The following HK1 variants were observed in gnomAD, a reference collection of about 807,000 sequenced individuals.
The protein encoded by HK1 is hexokinase-1.
HK1 carries 28 observed loss-of-function variants against 91.6 expected under a neutral mutation model. The observed-to-expected ratio is 0.31, with a 90% CI of 0.23 to 0.42. The LOEUF is 0.42. HK1 is among the 10% of genes least tolerant of loss of function. The pLI, the probability that HK1 is intolerant of heterozygous loss-of-function variation, is 1.00. For synonymous variants in HK1, 430 were observed against 468.1 expected, an observed-to-expected ratio of 0.92 and a Z score of 1.05; for missense variants, 770 against 1,219.8, an observed-to-expected ratio of 0.63 and a Z score of 5.49.
Position 69,395,121 on chromosome 10 carries a change from C to T in HK1, c.2375+16C>T. 6.2e-7 allele frequency: 1 copy of T among 1,612,628 alleles called. No homozygotes were observed. The highest frequency in any genetic ancestry group is 1.3e-5 in the African/African-American group (1 of 74,994). On this transcript the variant is annotated intron_variant, in intron 16 of 17. Transcript: ENST00000359426. Reference sequence around the variant, plus strand: ...AGATCGAGAGGTGAGTGGGCAGTGTCTTCCCTGCCAGCGCCCACCCTTCAG... The same window carrying T: ...AGATCGAGAGGTGAGTGGGCAGTGTTTTCCCTGCCAGCGCCCACCCTTCAG...
intron 7 of HK1, among the ~76,000 whole-genome samples, chr10:69,371,634 C>T (rs1002726535): frequency 6.6e-6 from 1 of 152,170 alleles, no homozygotes; most frequent in Non-Finnish European, 1.5e-5. Flanking sequence ...TGTGGTAACT[C>T]GACAGGTAAT....
At chr10:69,278,322 T>C (rs565934251) in intron 1 of HK1, among the ~76,000 whole-genome samples, 1 of 152,350 alleles carries the variant, frequency 6.6e-6, no homozygotes, top group South Asian at 2.1e-4. Flanking sequence ...ATCTGTATTT[T>C]GTCTATGAAG....
intron 1 of HK1, among the ~76,000 whole-genome samples, chr10:69,340,774 A>C (rs1013767321): frequency 6.6e-6 from 1 of 152,124 alleles, no homozygotes; most frequent in African/African-American, 2.4e-5. Flanking sequence ...TCATGGTTGT[A>C]ATCAGTAAAG....
intron 5 of HK1, among the ~76,000 whole-genome samples, chr10:69,305,485 A>G (rs1000301933): frequency 6.6e-6 from 1 of 152,130 alleles, no homozygotes; most frequent in African/African-American, 2.4e-5. Context: ...CCATTTGTTT[A>G]CCATCTGTCT....
chr10:69,395,243 C>T (rs562364729), intron 16 of HK1, 138 bp downstream of exon 16: 7 of 731,032 alleles, frequency 9.6e-6, no homozygotes, highest in Non-Finnish European at 9.4e-6. Context: ...AATAGCAGAC[C>T]CTGGGCATTT....
intron 2 of HK1, among the ~76,000 whole-genome samples, chr10:69,357,476 G>T (rs1849189304): frequency 6.6e-6 from 1 of 151,886 alleles, no homozygotes; most frequent in African/African-American, 2.4e-5. Flanking sequence ...TTTGAGACAG[G>T]GCCTCGCTCT....
intron 3 of HK1, chr10:69,295,536 T>C: frequency 1.2e-6 from 1 of 840,944 alleles, no homozygotes; most frequent in East Asian, 2.5e-5. Context: ...ACTTTTGTTT[T>C]CTGAGCGTGA....
At chr10:69,338,965 G>T (rs1474440398) in intron 1 of HK1, among the ~76,000 whole-genome samples, 1 of 152,106 alleles carries the variant, frequency 6.6e-6, no homozygotes, top group African/African-American at 2.4e-5. Context: ...GGGCAGGAGA[G>T]ATTTCTCCAA....
intron 1 of HK1, among the ~76,000 whole-genome samples, chr10:69,282,239 G>C (rs1844786015): frequency 6.6e-6 from 1 of 152,152 alleles, no homozygotes; most frequent in African/African-American, 2.4e-5. Flanking sequence ...CACATGAGTG[G>C]CCATTGTCAT....
chr10:69,368,626 C>T lies in HK1; in HGVS notation c.586C>T (p.Arg196Ter). The change falls in exon 5 of 18, where the codon CGA (arginine) becomes TGA (stop). Residue 196 changes from arginine to a stop codon, truncating the protein, a stop_gained. Coordinates refer to ENST00000359426, the MANE Select transcript of HK1 (RefSeq NM_000188.3). LOFTEE classifies it high-confidence loss of function. The part of the protein sequence containing the change: ...VKLLNKAIKK[R>*]GDYDANIVAV... ...ACTGCTTAACAAAGCCATCAAAAAG[C>T]GAGGGGTAATTTCTCCTGGGCCCTC... 1 of 1,613,190 alleles carries T rather than the reference C, an allele frequency of 6.2e-7. No homozygotes were observed. Among genetic ancestry groups the T allele is most frequent in the Non-Finnish European group, 8.5e-7 (1 of 1,179,126 alleles).
intron 4 of HK1, among the ~76,000 whole-genome samples, chr10:69,366,183 C>T (rs184223095): frequency 1.3e-5 from 2 of 152,258 alleles, no homozygotes; most frequent in East Asian, 3.9e-4. Context: ...CTTCAAGCAT[C>T]TCTATGAGTT....
intron 13 of HK1, among the ~76,000 whole-genome samples, chr10:69,387,762 GT>G (rs1839711187): frequency 1.3e-5 from 2 of 152,208 alleles, no homozygotes; most frequent in South Asian, 4.1e-4. Flanking sequence ...GATTACAGGT[GT>G]GTTTCTCGTG....
At chr10:69,273,707 G>C (rs1848243020) in intron 1 of HK1, among the ~76,000 whole-genome samples, 1 of 152,126 alleles carries the variant, frequency 6.6e-6, no homozygotes, top group Non-Finnish European at 1.5e-5. Context: ...TTTTTTTTCT[G>C]CTGTGGCCAA....
intron 5 of HK1, among the ~76,000 whole-genome samples, chr10:69,306,537 T>G (rs1846115755): frequency 6.6e-6 from 1 of 152,164 alleles, no homozygotes; most frequent in Non-Finnish European, 1.5e-5. Context: ...ACAGTTCACA[T>G]GTGAAATGAG....
At chr10:69,347,760 C>A (rs1848643732) in intron 2 of HK1, among the ~76,000 whole-genome samples, 1 of 152,056 alleles carries the variant, frequency 6.6e-6, no homozygotes. Flanking sequence ...TAAAAAGGTC[C>A]ATTCAGGTGT....
chr10:69,353,253 G>A (rs899731373), intron 2 of HK1, among the ~76,000 whole-genome samples: 2 of 152,116 alleles, frequency 1.3e-5, no homozygotes, highest in Non-Finnish European at 2.9e-5. Flanking sequence ...ACCAATGGTC[G>A]ATGATTTAAT....
rs1474456888 is a variant in HK1 at position 69,401,819 on chromosome 10, C to G, written c.*684C>G. The G allele has an allele frequency of 2.4e-5, 4 of 164,110 alleles. No homozygotes were observed. Among genetic ancestry groups the G allele is most frequent in the African/African-American group, 7.2e-5 (3 of 41,470 alleles). The allele number at this position is 164,110 out of a possible 1,614,324, so 10.2% of individuals were successfully genotyped here. On this transcript the variant is annotated 3_prime_UTR_variant, in exon 18 of 18. Transcript: ENST00000359426. ...AACCAACCAACAAACAATGCCATCA[C>G]TGGAATTTCCCACCGCTTTGTGAGC...
intron 3 of HK1, among the ~76,000 whole-genome samples, chr10:69,294,381 T>C (rs1845449536): frequency 6.6e-6 from 1 of 152,202 alleles, no homozygotes; most frequent in Non-Finnish European, 1.5e-5. Flanking sequence ...AGCTTTTCTC[T>C]TGATTGGCAG....
chr10:69,365,876 G>C (rs1849672894), intron 4 of HK1, among the ~76,000 whole-genome samples: 1 of 152,112 alleles, frequency 6.6e-6, no homozygotes, highest in South Asian at 2.1e-4. Flanking sequence ...CTGTCGCCCA[G>C]GCTGGAGTGC....
Sources: gnomAD v4.1 joint callset for allele counts (sites outside exome capture counted in the v4.1 genomes callset) on GRCh38, gnomAD v4.1.1 for gene constraint, MANE v1.5 for transcripts, NCBI Gene and HGNC (gene_info 2026-07-23, HGNC 2026-07-21) for gene names.